The following GK5 variants were observed in gnomAD, a reference collection of about 807,000 sequenced individuals.
The protein encoded by GK5 is ATP:glycerol 3-phosphotransferase 5.
In GK5, 39 loss-of-function variants were observed where a neutral mutation model predicts 77.3. The ratio of observed to expected loss-of-function variants is 0.50; its 90% confidence interval spans 0.39 to 0.66. The LOEUF is 0.66. GK5 is among the 30% of genes least tolerant of loss of function. The pLI, the probability that GK5 is intolerant of heterozygous loss-of-function variation, is 0.00. For missense variants in GK5, 487 were observed against 633.8 expected (o/e 0.77, Z 2.49); for synonymous variants, 211 against 208.0 (o/e 1.01, Z -0.13).
intron 11 of GK5, among the ~76,000 whole-genome samples, chr3:142,178,863 C>T (rs1355130697): frequency 6.6e-6 from 1 of 152,196 alleles, no homozygotes; most frequent in Admixed American, 6.5e-5. Flanking sequence ...TTCAAAGTGG[C>T]TCTACCAATT....
intron 9 of GK5, chr3:142,184,654 C>T (rs754026258): frequency 2.5e-5 from 4 of 157,770 alleles, no homozygotes; most frequent in Non-Finnish European, 5.5e-5. Context: ...TGGCCAACAT[C>T]GTGAAACCCC....
At chr3:142,212,824 A>ATTTTCTCTTTTT (rs1553839428) in intron 3 of GK5, among the ~76,000 whole-genome samples, 39 of 129,942 alleles carry the variant, frequency 3.0e-4, no homozygotes, top group Non-Finnish European at 4.6e-4. Context: ...ATAGACAAAT[A>ATTTTCTCTTTTT]TTTTCTTTTT....
At chr3:142,215,570 A>T in intron 2 of GK5, 29 bp downstream of exon 2, 2 of 1,185,778 alleles carry the variant, frequency 1.7e-6, no homozygotes, top group Non-Finnish European at 2.4e-6. Context: ...AACCATAAAG[A>T]TTATTGTTAT....
intron 3 of GK5, among the ~76,000 whole-genome samples, chr3:142,208,172 GCTTA>G (rs2064138168): frequency 1.3e-5 from 2 of 151,922 alleles, no homozygotes; most frequent in African/African-American, 2.4e-5. Flanking sequence ...TTTTAACATA[GCTTA>G]CTTATTATTT....
chr3:142,184,486 T>C (rs2063741120), intron 9 of GK5, among the ~76,000 whole-genome samples: 2 of 152,044 alleles, frequency 1.3e-5, no homozygotes, highest in Admixed American at 1.3e-4. Context: ...ACATTTTTGT[T>C]AAAATAAAAA....
At chr3:142,180,529 C>G (rs1175899366) in intron 11 of GK5, among the ~76,000 whole-genome samples, 1 of 152,078 alleles carries the variant, frequency 6.6e-6, no homozygotes, top group Non-Finnish European at 1.5e-5. Context: ...CTCGAACTCC[C>G]AACCTCAGGT....
intron 1 of GK5, among the ~76,000 whole-genome samples, chr3:142,223,024 G>C (rs541615894): frequency 2.6e-4 from 39 of 152,290 alleles, no homozygotes; most frequent in Admixed American, 1.9e-3. Flanking sequence ...TATCCGGGAA[G>C]AGCAGGCATT....
intron 1 of GK5, among the ~76,000 whole-genome samples, chr3:142,224,535 T>G (rs1343389668): frequency 1.3e-5 from 2 of 152,260 alleles, no homozygotes; most frequent in Admixed American, 1.3e-4. Flanking sequence ...ATTTGTTGGT[T>G]GCTGACCAAT....
chr3:142,217,584 G>T (rs1315472464), intron 1 of GK5, among the ~76,000 whole-genome samples: 1 of 151,784 alleles, frequency 6.6e-6, no homozygotes. Context: ...AAAGGGTTCA[G>T]AACAGGAAAA....
intron 3 of GK5, among the ~76,000 whole-genome samples, chr3:142,212,016 T>C (rs1159882208): frequency 6.6e-6 from 1 of 152,228 alleles, no homozygotes; most frequent in Non-Finnish European, 1.5e-5. Context: ...AGGCCAGCAG[T>C]ATTGGTAAAT....
Position 142,225,381 on chromosome 3 carries a change from A to G in GK5, c.75T>C (p.Asp25=). 1 of 1,594,136 alleles carries G rather than the reference A, an allele frequency of 6.3e-7. No homozygotes were observed. Among genetic ancestry groups the G allele is most frequent in the Non-Finnish European group, 8.5e-7 (1 of 1,171,934 alleles). The change falls in exon 1 of 16, where the codon GAT becomes GAC. Residue 25 remains aspartate (D), a synonymous_variant. Transcript: ENST00000392993. ...GGCAGCGGATCACAGAACTGCCCACATCCAGCCCCAGCACGAAGCCGGGGT... is the reference window on the plus strand; with the variant it reads ...GGCAGCGGATCACAGAACTGCCCACGTCCAGCCCCAGCACGAAGCCGGGGT... ...PRYPGFVLGL[D]VGSSVIRCHV...
chr3:142,187,632 C>T (rs1015785798), intron 6 of GK5, 72 bp downstream of exon 6: 34 of 974,756 alleles, frequency 3.5e-5, no homozygotes, highest in South Asian at 5.8e-5. Context: ...GTAACTTCTA[C>T]TTTTTTTAGG....
chr3:142,200,730 C>G (rs1044792059), intron 4 of GK5, among the ~76,000 whole-genome samples: 1 of 152,150 alleles, frequency 6.6e-6, no homozygotes, highest in Non-Finnish European at 1.5e-5. Flanking sequence ...ATTACAAGCT[C>G]TAATAACTGC....
At chr3:142,209,259 A>C (rs948518315) in intron 3 of GK5, among the ~76,000 whole-genome samples, 1 of 152,222 alleles carries the variant, frequency 6.6e-6, no homozygotes, top group Admixed American at 6.5e-5. Context: ...GCTCTGAAGG[A>C]TAAGAAGGAA....
At chr3:142,219,584 T>C (rs1043866989) in intron 1 of GK5, among the ~76,000 whole-genome samples, 21 of 152,176 alleles carry the variant, frequency 1.4e-4, no homozygotes, top group African/African-American at 4.8e-4. Flanking sequence ...GAGATGTGAC[T>C]ACAATAAAGT....
intron 4 of GK5, among the ~76,000 whole-genome samples, chr3:142,203,197 C>T (rs2064053302): frequency 6.6e-6 from 1 of 152,110 alleles, no homozygotes; most frequent in Non-Finnish European, 1.5e-5. Context: ...ATTACTGTGT[C>T]CTTCTTATTA....
intron 4 of GK5, among the ~76,000 whole-genome samples, chr3:142,203,250 A>G (rs557281534): frequency 1.4e-3 from 210 of 152,282 alleles, no homozygotes; most frequent in Non-Finnish European, 2.3e-3. Flanking sequence ...ACATTTTTCT[A>G]TATTAAACTA....
Position 142,177,701 on chromosome 3 carries a change from A to C in GK5, c.1049-125T>G. On this transcript the variant is annotated intron_variant, in intron 11 of 15. Transcript: ENST00000392993. ...ACATTTATTATGAATATAATGTAAA[A>C]GATTGCTCACTTAAAAGGGTCAGCA... 3 of 653,244 alleles carry C rather than the reference A, an allele frequency of 4.6e-6. No individual in the cohort carries two copies. In the South Asian group the frequency reaches 5.8e-5, roughly 13 times the overall value. The allele number at this position is 653,244 out of a possible 1,614,324, so 40.5% of individuals were successfully genotyped here. A position where few individuals can be genotyped will look rare whatever the true frequency, so the allele number is the denominator to read the frequency against.
chr3:142,204,800 A>G lies in GK5; in HGVS notation c.318-12T>C. On this transcript the variant is annotated splice_polypyrimidine_tract_variant and intron_variant, in intron 3 of 15. Transcript: ENST00000392993. ...GATTTCCTGTTTTCCTAGAAAGAAT[A>G]AAACAGTATTTTGAGACCCAGCATA... is the stretch of plus-strand genomic sequence containing the variant. The G allele has an allele frequency of 6.9e-7, 1 of 1,439,502 alleles. No homozygotes were observed. The highest frequency in any genetic ancestry group is 9.6e-7 in the Non-Finnish European group (1 of 1,037,748). The allele number at this position is 1,439,502 out of a possible 1,614,324, so 89.2% of individuals were successfully genotyped here. A position where few individuals can be genotyped will look rare whatever the true frequency, so the allele number is the denominator to read the frequency against.
Sources: gnomAD v4.1 joint callset for allele counts (sites outside exome capture counted in the v4.1 genomes callset) on GRCh38, gnomAD v4.1.1 for gene constraint, MANE v1.5 for transcripts, NCBI Gene and HGNC (gene_info 2026-07-23, HGNC 2026-07-21) for gene names.